Variants in ATP6V0D2 observed in about 807,000 individuals in gnomAD.
ATP6V0D2 encodes V-type proton ATPase subunit d 2.
Under a neutral mutation model 40.0 loss-of-function variants are expected in ATP6V0D2, and 40 were observed. That is an observed-to-expected ratio of 1.00 (90% CI 0.78 to 1.30). ATP6V0D2 has a LOEUF of 1.30. Ranked by LOEUF, ATP6V0D2 falls within the 50% of genes most tolerant of loss-of-function variation. ATP6V0D2 has a pLI of 0.00. For synonymous variants in ATP6V0D2, 179 were observed against 156.3 expected, an observed-to-expected ratio of 1.15 and a Z score of -1.08; for missense variants, 470 against 423.1, an observed-to-expected ratio of 1.11 and a Z score of -0.97.
chr8:86,133,316 C>CTTTTTTT (rs1242479597), intron 2 of ATP6V0D2, among the ~76,000 whole-genome samples: 12 of 77,294 alleles, frequency 1.6e-4, no homozygotes, highest in African/African-American at 2.1e-4. Context: ...AACAGAAAGT[C>CTTTTTTT]TTTTTTTTTT....
chr8:86,129,352 C>T lies in ATP6V0D2; in HGVS notation c.303-10105C>T, dbSNP rs1818786911. Among the ~76,000 whole-genome samples, 3 of 152,294 alleles carry T rather than the reference C, an allele frequency of 2.0e-5. 1 individual carries two copies. The highest frequency in any genetic ancestry group is 2.9e-5 in the Non-Finnish European group (2 of 68,032). On this transcript the variant is annotated intron_variant, in intron 2 of 7. Transcript: ENST00000285393. ...CTGTGAAGACAGTAATTGTCTACTT[C>T]TTCTCACCCTGTGATGCCAAGTTTG... is the stretch of plus-strand genomic sequence containing the variant.
chr8:86,101,463 A>G (rs1483324833), intron 1 of ATP6V0D2, among the ~76,000 whole-genome samples: 2,938 of 40,576 alleles, frequency 0.072, 59 homozygotes, highest in African/African-American at 0.24. Flanking sequence ...CTGTCTCAGG[A>G]AAAAAAAAAA....
chr8:86,099,064 C>T lies in ATP6V0D2; in HGVS notation c.86C>T (p.Thr29Ile), dbSNP rs1323844657. The T allele has an allele frequency of 1.2e-6, 2 of 1,613,634 alleles. No homozygotes were observed. The highest frequency in any genetic ancestry group is 1.7e-6 in the Non-Finnish European group (2 of 1,179,976). Reference sequence around the variant, plus strand: ...CGAGGATGCAAGGCCAGCCTCCTGACCCAGCAAGACTATATCAACCTGGTC... The same window carrying T: ...CGAGGATGCAAGGCCAGCCTCCTGATCCAGCAAGACTATATCAACCTGGTC... ...LVRGCKASLL[T>I]QQDYINLVQC... The change falls in exon 1 of 8, where the codon ACC becomes ATC. Residue 29 changes from threonine (T) to isoleucine (I), a missense_variant. Thr to Ile is a moderately conservative substitution (Grantham distance 89). Transcript: ENST00000285393.
chr8:86,145,186 GAAAGAAAGAA>G (rs1819032913), intron 5 of ATP6V0D2, among the ~76,000 whole-genome samples: 2 of 13,360 alleles, frequency 1.5e-4, no homozygotes, highest in African/African-American at 5.9e-4. Flanking sequence ...AAGAGAGAAA[GAAAGAAAGAA>G]AAGAAAGAAA....
chr8:86,143,647 T>G (rs964342206), intron 5 of ATP6V0D2, among the ~76,000 whole-genome samples: 4 of 152,234 alleles, frequency 2.6e-5, no homozygotes, highest in Non-Finnish European at 5.9e-5. Context: ...AGCCAGCTTC[T>G]TTACTGCAAC....
chr8:86,148,309 G>C (rs1297065866), intron 5 of ATP6V0D2, among the ~76,000 whole-genome samples: 1 of 152,080 alleles, frequency 6.6e-6, no homozygotes, highest in Non-Finnish European at 1.5e-5. Context: ...AGCTGCCCTT[G>C]CTTCCACATA....
intron 2 of ATP6V0D2, among the ~76,000 whole-genome samples, chr8:86,137,714 C>T (rs1409787179): frequency 2.0e-5 from 3 of 152,164 alleles, no homozygotes. Context: ...GAAACCTACA[C>T]ATCACCCCAA....
At chr8:86,101,050 G>C (rs1381748266) in intron 1 of ATP6V0D2, among the ~76,000 whole-genome samples, 2 of 151,752 alleles carry the variant, frequency 1.3e-5, no homozygotes, top group African/African-American at 4.8e-5. Context: ...AGGAGGTTGA[G>C]GCAGGAGAAT....
chr8:86,104,659 A>AGG (rs1475545722), intron 1 of ATP6V0D2, among the ~76,000 whole-genome samples: 1 of 152,164 alleles, frequency 6.6e-6, no homozygotes, highest in Non-Finnish European at 1.5e-5. Context: ...TGACAAGCAT[A>AGG]GGGACCTGTC....
intron 7 of ATP6V0D2, 88 bp from the exon 8 acceptor site, chr8:86,152,728 C>G (rs1410582130): frequency 7.4e-7 from 1 of 1,358,804 alleles, no homozygotes; most frequent in African/African-American, 1.5e-5. Flanking sequence ...ATAAGCACTG[C>G]ACAAGTTCAA....
chr8:86,145,019 T>A (rs1586103197), intron 5 of ATP6V0D2, among the ~76,000 whole-genome samples: 1 of 142,798 alleles, frequency 7.0e-6, no homozygotes, highest in African/African-American at 2.6e-5. Context: ...AAAAATTAGC[T>A]GAATGTGGTG....
chr8:86,101,531 T>G (rs1035972704), intron 1 of ATP6V0D2, among the ~76,000 whole-genome samples: 51 of 151,212 alleles, frequency 3.4e-4, no homozygotes, highest in African/African-American at 1.2e-3. Context: ...TTAAAAATTG[T>G]ACCCTATATT....
chr8:86,120,557 T>C (rs1818656068), intron 2 of ATP6V0D2, among the ~76,000 whole-genome samples: 3 of 152,112 alleles, frequency 2.0e-5, no homozygotes, highest in Admixed American at 2.0e-4. Flanking sequence ...CCTGTCTCTT[T>C]AAATAAATAA....
intron 3 of ATP6V0D2, 44 bp from the exon 4 acceptor site, chr8:86,141,406 C>A: frequency 1.4e-6 from 2 of 1,469,910 alleles, no homozygotes; most frequent in Non-Finnish European, 1.9e-6. Context: ...AGCTTATAAT[C>A]TTGCTTAAGA....
Position 86,149,143 on chromosome 8 carries a change from A to T in ATP6V0D2, c.640-969A>T, listed in dbSNP as rs555860494. On this transcript the variant is annotated intron_variant, in intron 5 of 7. Coordinates refer to ENST00000285393, the MANE Select transcript of ATP6V0D2 (RefSeq NM_152565.1). ...GTAGTGGGGAGAAATGCAGGCACAG[A>T]TTTCAAAATGAAGTGGTAATTACTG... Among the ~76,000 whole-genome samples the T allele has an allele frequency of 7.3e-5, 11 of 151,698 alleles. No homozygotes were observed. The South Asian group carries it at 2.1e-3, about 29-fold the overall frequency.
chr8:86,116,461 C>G (rs1344355457), intron 2 of ATP6V0D2, among the ~76,000 whole-genome samples: 3 of 152,174 alleles, frequency 2.0e-5, no homozygotes, highest in African/African-American at 7.2e-5. Context: ...TCACCTTGGC[C>G]TCCCAAAGTG....
At chr8:86,118,342 G>A (rs1818624729) in intron 2 of ATP6V0D2, among the ~76,000 whole-genome samples, 1 of 151,180 alleles carries the variant, frequency 6.6e-6, no homozygotes, top group Admixed American at 6.6e-5. Context: ...TCAAAGTGCT[G>A]GGATTACAGG....
At chr8:86,137,344 G>A (rs1818911740) in intron 2 of ATP6V0D2, among the ~76,000 whole-genome samples, 1 of 147,728 alleles carries the variant, frequency 6.8e-6, no homozygotes, top group Admixed American at 6.7e-5. Context: ...TCTCTCCCCT[G>A]ATTCTCCTTC....
chr8:86,110,166 C>T (rs752682181), intron 1 of ATP6V0D2, among the ~76,000 whole-genome samples: 3 of 152,204 alleles, frequency 2.0e-5, no homozygotes, highest in Non-Finnish European at 4.4e-5. Context: ...GCATTCTCAG[C>T]TCACTGCAAC....
Sources: gnomAD v4.1 joint callset for allele counts (sites outside exome capture counted in the v4.1 genomes callset) on GRCh38, gnomAD v4.1.1 for gene constraint, MANE v1.5 for transcripts, NCBI Gene and HGNC (gene_info 2026-07-23, HGNC 2026-07-21) for gene names.